PPEF1: variants seen among roughly 807,000 people sequenced by gnomAD.
The protein encoded by PPEF1 is serine/threonine-protein phosphatase with EF-hands 1.
Under a neutral mutation model 53.3 loss-of-function variants are expected in PPEF1, and 12 were observed. That is an observed-to-expected ratio of 0.23 (90% CI 0.14 to 0.36). The LOEUF is 0.36. PPEF1 is among the 10% of genes least tolerant of loss of function. The pLI, the probability that PPEF1 is intolerant of heterozygous loss-of-function variation, is 1.00. For synonymous variants in PPEF1, 165 were observed against 176.7 expected (o/e 0.93, Z 0.52); for missense variants, 334 against 490.4 (o/e 0.68, Z 3.01).
At chrX:18,802,589 A>G (rs12010983) in intron 10 of PPEF1, among the ~76,000 whole-genome samples, 9,003 of 111,845 alleles carry the variant, frequency 0.08, 905 homozygotes, top group African/African-American at 0.28. Context: ...AGACACCCTC[A>G]GATAAACAGG....
chrX:18,795,460 T>G (rs2046414821), intron 10 of PPEF1, among the ~76,000 whole-genome samples: 1 of 112,343 alleles, frequency 8.9e-6, no homozygotes, highest in Non-Finnish European at 1.9e-5. Flanking sequence ...ATAAGCCATG[T>G]ACTCATCTTT....
At chrX:18,727,505 A>G (rs1311900763) in intron 1 of PPEF1, among the ~76,000 whole-genome samples, 1 of 110,205 alleles carries the variant, frequency 9.1e-6, no homozygotes, top group African/African-American at 3.3e-5. Context: ...CTCTCACACC[A>G]CAGCAATCAT....
intron 2 of PPEF1, among the ~76,000 whole-genome samples, chrX:18,685,684 CAAAAAAAAAAAAAA>C (rs1212907646): frequency 7.0e-5 from 2 of 28,752 alleles, no homozygotes; most frequent in South Asian, 3.6e-3. Flanking sequence ...GACTCCATCT[CAAAAAAAAAAAAAA>C]AAAAAGAAAA....
chrX:18,792,049 A>G (rs1193509652), intron 10 of PPEF1, among the ~76,000 whole-genome samples: 4 of 112,550 alleles, frequency 3.6e-5, no homozygotes. Flanking sequence ...ATGATGTATA[A>G]TCCACCTTCT....
Position 18,753,279 on chromosome X carries a change from G to A in PPEF1, c.396+3327G>A, listed in dbSNP as rs755519926. 3.6e-5 allele frequency among the ~76,000 whole-genome samples: 4 copies of A among 111,214 alleles called. No homozygotes were observed. In the South Asian group the frequency reaches 1.5e-3, roughly 42 times the overall value. On this transcript the variant is annotated intron_variant, in intron 4 of 15. Transcript: ENST00000470157. ...CTCATCTAAGTAATCTAATTTGTTG[G>A]TGTACAATTGTTCATAGTATTCTCT... is the stretch of plus-strand genomic sequence containing the variant.
At chrX:18,680,846 T>G (rs1159154579), upstream of PPEF1, among the ~76,000 whole-genome samples, 10 of 102,823 alleles carry the variant, frequency 9.7e-5, no homozygotes, top group Non-Finnish European at 2.0e-4. Flanking sequence ...AATTCCCACT[T>G]ATGAGTGAAA....
chrX:18,751,501 C>T (rs745902564), intron 4 of PPEF1, among the ~76,000 whole-genome samples: 2 of 112,106 alleles, frequency 1.8e-5, no homozygotes, highest in Admixed American at 9.5e-5. Flanking sequence ...TAGGCCAGGC[C>T]GGGCACAGTG....
intron 4 of PPEF1, among the ~76,000 whole-genome samples, chrX:18,691,872 T>A (rs1929408717): frequency 8.9e-6 from 1 of 112,012 alleles, no homozygotes; most frequent in African/African-American, 3.2e-5. Flanking sequence ...AGGTGCAGGT[T>A]TAGATGGACT....
At chrX:18,779,923 C>T (rs965744015) in intron 7 of PPEF1, among the ~76,000 whole-genome samples, 1 of 111,640 alleles carries the variant, frequency 9.0e-6, no homozygotes, top group African/African-American at 3.3e-5. Flanking sequence ...TTAGTTTTGT[C>T]TTTGGGGCAG....
chrX:18,686,062 C>T (rs1032458511), intron 2 of PPEF1: 1 of 112,147 alleles, frequency 8.9e-6, no homozygotes, highest in Non-Finnish European at 1.9e-5. Flanking sequence ...AATAGAAGCA[C>T]TACACCAGGA....
intron 6 of PPEF1, among the ~76,000 whole-genome samples, chrX:18,775,423 C>T (rs1358671514): frequency 1.8e-5 from 2 of 110,408 alleles, no homozygotes; most frequent in African/African-American, 6.6e-5. Flanking sequence ...TGGGGTTTCA[C>T]CATGTTGGCC....
At chrX:18,730,131 G>A (rs1301946373) in intron 1 of PPEF1, 50 bp from the exon 2 acceptor site, 7 of 1,159,341 alleles carry the variant, frequency 6.0e-6, no homozygotes, top group Non-Finnish European at 8.1e-6. Flanking sequence ...TCTCCTAACA[G>A]GTGCATAGTA....
chrX:18,740,097 C>A (rs752100444), intron 3 of PPEF1, among the ~76,000 whole-genome samples: 33 of 112,399 alleles, frequency 2.9e-4, no homozygotes, highest in Admixed American at 2.6e-3. Flanking sequence ...TGAGGCGATG[C>A]CCAGCCCTGC....
chrX:18,701,970 C>G (rs1250242453), intron 6 of PPEF1, among the ~76,000 whole-genome samples: 2 of 111,998 alleles, frequency 1.8e-5, no homozygotes, highest in Non-Finnish European at 3.8e-5. Flanking sequence ...TTCTTATCCT[C>G]TCATGTGGCG....
intron 3 of PPEF1, among the ~76,000 whole-genome samples, chrX:18,689,500 C>A (rs1344214802): frequency 1.9e-5 from 2 of 105,363 alleles, no homozygotes; most frequent in Non-Finnish European, 3.9e-5. Context: ...GACCCTGTCT[C>A]AAACAAATAA....
intron 3 of PPEF1, among the ~76,000 whole-genome samples, chrX:18,734,520 G>T (rs1215792649): frequency 9.1e-6 from 1 of 110,262 alleles, no homozygotes; most frequent in Admixed American, 9.7e-5. Context: ...TCTTAATCCA[G>T]TCTATCATTG....
At chrX:18,698,871 T>A (rs1929886182) in intron 5 of PPEF1, among the ~76,000 whole-genome samples, 2 of 111,731 alleles carry the variant, frequency 1.8e-5, no homozygotes, top group Non-Finnish European at 1.9e-5. Flanking sequence ...AAAGGGCAAA[T>A]TACAGCACAC....
chrX:18,738,414 G>C (rs1029141560), intron 3 of PPEF1, among the ~76,000 whole-genome samples: 3 of 111,754 alleles, frequency 2.7e-5, no homozygotes, highest in Non-Finnish European at 5.6e-5. Flanking sequence ...GAAATTCTGG[G>C]TTGAAAATTC....
chrX:18,753,141 T>A (rs1338182268), intron 4 of PPEF1, among the ~76,000 whole-genome samples: 1 of 111,655 alleles, frequency 9.0e-6, no homozygotes, highest in African/African-American at 3.2e-5. Context: ...GACTTTTCTT[T>A]GTTAGGAGGT....
Sources: gnomAD v4.1 joint callset for allele counts (sites outside exome capture counted in the v4.1 genomes callset) on GRCh38, gnomAD v4.1.1 for gene constraint, MANE v1.5 for transcripts, NCBI Gene and HGNC (gene_info 2026-07-23, HGNC 2026-07-21) for gene names.